Variants in ZFHX3 observed in about 807,000 individuals in gnomAD.
ZFHX3 encodes the protein zinc finger homeobox 3.
Under a neutral mutation model 279.1 loss-of-function variants are expected in ZFHX3, and 42 were observed. The ratio of observed to expected loss-of-function variants is 0.15; its 90% CI spans 0.12 to 0.19. The LOEUF is 0.19. Among genes scored for constraint, ZFHX3 ranks in the 10% least tolerant of loss-of-function variants. ZFHX3 has a pLI of 1.00. For synonymous variants in ZFHX3, 2,293 were observed against 1,957.8 expected (o/e 1.17, Z -4.52); for missense variants, 4,981 against 4,754.0 (o/e 1.05, Z -1.40).
chr16:72,996,859 A>T (rs1303906110), intron 1 of ZFHX3, among the ~76,000 whole-genome samples: 2 of 152,256 alleles, frequency 1.3e-5, no homozygotes, highest in Non-Finnish European at 2.9e-5. Context: ...GACAAACTTA[A>T]AAGAAGCTTA....
intron 5 of ZFHX3, among the ~76,000 whole-genome samples, chr16:72,825,068 C>T (rs947166986): frequency 4.6e-5 from 7 of 152,212 alleles, no homozygotes; most frequent in Non-Finnish European, 8.8e-5. Context: ...AACTCTCAGG[C>T]GGTTGGGACT....
At chr16:73,020,869 C>G (rs942865834) in intron 1 of ZFHX3, among the ~76,000 whole-genome samples, 4 of 152,104 alleles carry the variant, frequency 2.6e-5, no homozygotes, top group African/African-American at 4.8e-5. Flanking sequence ...TCCCGCCCCC[C>G]CAATACTCTT....
At chr16:73,051,377 T>C (rs891584119), upstream of ZFHX3, among the ~76,000 whole-genome samples, 1 of 152,202 alleles carries the variant, frequency 6.6e-6, no homozygotes, top group African/African-American at 2.4e-5. Flanking sequence ...TGGTACCCGC[T>C]GGGTGGCCGA....
chr16:73,229,746 A>G (rs1210718570), intron 5 of ZFHX3, among the ~76,000 whole-genome samples: 2 of 152,250 alleles, frequency 1.3e-5, no homozygotes, highest in Admixed American at 1.3e-4. Flanking sequence ...ATCTAAAATC[A>G]TGTGATTCTA....
At chr16:73,292,176 A>G (rs950593786) in intron 4 of ZFHX3, among the ~76,000 whole-genome samples, 2 of 152,224 alleles carry the variant, frequency 1.3e-5, no homozygotes, top group Non-Finnish European at 2.9e-5. Flanking sequence ...ATGTTAGAAG[A>G]CAGAAGGAAA....
chr16:73,761,815 C>T (rs1294290589), intron 1 of ZFHX3, among the ~76,000 whole-genome samples: 1 of 152,086 alleles, frequency 6.6e-6, no homozygotes, highest in Non-Finnish European at 1.5e-5. Context: ...CTCCTTATGC[C>T]TTGTACAAAA....
chr16:73,440,596 T>G (rs1003666668), intron 3 of ZFHX3, among the ~76,000 whole-genome samples: 1 of 152,216 alleles, frequency 6.6e-6, no homozygotes, highest in African/African-American at 2.4e-5. Context: ...ATAGCTACTA[T>G]TGATTCACAG....
intron 3 of ZFHX3, among the ~76,000 whole-genome samples, chr16:73,413,269 G>A (rs74028629): frequency 6.6e-6 from 1 of 152,352 alleles, no homozygotes; most frequent in African/African-American, 2.4e-5. Flanking sequence ...ACAGAACAGA[G>A]CAAAGAACAG....
chr16:72,810,515 T>A (rs569558107), intron 7 of ZFHX3, among the ~76,000 whole-genome samples: 4 of 152,302 alleles, frequency 2.6e-5, no homozygotes, highest in African/African-American at 9.6e-5. Flanking sequence ...AGCACCAACA[T>A]AGTCAAAAGT....
chr16:73,349,673 CTTCCCTCT>C, intron 3 of ZFHX3, among the ~76,000 whole-genome samples: 2 of 36,716 alleles, frequency 5.4e-5, no homozygotes, highest in African/African-American at 2.0e-4. Flanking sequence ...TCTCTCCCTC[CTTCCCTCT>C]CTCCCTCTCC....
At position 73,833,810 on chromosome 16, in the gene ZFHX3, G is replaced by A. The variant is rs550752798; in HGVS notation, c.-1608+57841C>T. On this transcript the variant is annotated intron_variant, in intron 1 of 17. Transcript: ENST00000641206. ...AACTACATCATACAATGTGGTACCC[G>A]ACATATGGTAGGTATTGAGCACCCA... Among the ~76,000 whole-genome samples the A allele has an allele frequency of 4.7e-4, 70 of 149,504 alleles. No homozygotes were observed. In the South Asian group the frequency reaches 7.6e-3, roughly 16 times the overall value.
At chr16:73,357,605 C>T (rs2016365642) in intron 3 of ZFHX3, among the ~76,000 whole-genome samples, 1 of 152,286 alleles carries the variant, frequency 6.6e-6, no homozygotes, top group South Asian at 2.1e-4. Context: ...CCCTATAGGC[C>T]CCATTCCTCC....
intron 4 of ZFHX3, among the ~76,000 whole-genome samples, chr16:72,864,379 G>A (rs1422892055): frequency 6.6e-6 from 1 of 152,098 alleles, no homozygotes; most frequent in Non-Finnish European, 1.5e-5. Flanking sequence ...AAACATAGAA[G>A]CACATGTACA....
chr16:73,282,087 G>A (rs967684891), intron 4 of ZFHX3, among the ~76,000 whole-genome samples: 2 of 152,200 alleles, frequency 1.3e-5, no homozygotes, highest in African/African-American at 4.8e-5. Flanking sequence ...GCGTTTGTGT[G>A]CATCTTTTAT....
intron 4 of ZFHX3, among the ~76,000 whole-genome samples, chr16:73,305,029 C>T (rs1268389215): frequency 6.6e-6 from 1 of 152,056 alleles, no homozygotes; most frequent in African/African-American, 2.4e-5. Flanking sequence ...TCTTTACCCC[C>T]TTGCCCCAGC....
rs529118039 is a variant in ZFHX3, at chr16:73,374,936, A to G, written c.-1290-56600T>C. Among the ~76,000 whole-genome samples, 8 of 152,314 alleles carry G rather than the reference A, an allele frequency of 5.3e-5. No homozygotes were observed. The East Asian group carries it at 7.7e-4, about 15-fold the overall frequency. On this transcript the variant is annotated intron_variant, in intron 3 of 17. Transcript: ENST00000641206. ...GTCATAGGTGGTGGTATGGATTTCT[A>G]TCAAGGGATTTCATTGCCTGCTTTG...
Position 72,787,938 on chromosome 16 carries a change from G to A in ZFHX3, c.10338C>T (p.Ser3446=), listed in dbSNP as rs773598561. Residue 3446 remains serine (S), a synonymous_variant, in exon 10 of 10, where the codon AGC becomes AGT. Coordinates refer to ENST00000268489, the MANE Select transcript of ZFHX3 (RefSeq NM_006885.4). ...PKLPEEPEAE[S]KSADSLYDPF... is the part of the protein sequence containing the mutation. ...GGTCGTAGAGGGAGTCCGCACTTTT[G>A]CTTTCTGCTTCTGGCTCTTCAGGGA... The A allele has an allele frequency of 1.2e-6, 2 of 1,613,978 alleles. No homozygotes were observed. The highest frequency in any genetic ancestry group is 1.1e-5 in the South Asian group (1 of 91,070).
chr16:72,972,315 C>T (rs1204001025), intron 1 of ZFHX3, among the ~76,000 whole-genome samples: 2 of 152,126 alleles, frequency 1.3e-5, no homozygotes, highest in Non-Finnish European at 2.9e-5. Flanking sequence ...ATCCTATAAG[C>T]TCCTGGACAG....
At chr16:73,507,910 A>T (rs1005530154) in intron 2 of ZFHX3, among the ~76,000 whole-genome samples, 15 of 152,194 alleles carry the variant, frequency 9.9e-5, no homozygotes, top group African/African-American at 3.4e-4. Flanking sequence ...AATTTTTGTG[A>T]GATTAGAATC....
Sources: gnomAD v4.1 joint callset for allele counts (sites outside exome capture counted in the v4.1 genomes callset) on GRCh38, gnomAD v4.1.1 for gene constraint, MANE v1.5 for transcripts, NCBI Gene and HGNC (gene_info 2026-07-23, HGNC 2026-07-21) for gene names.